The following SPMAP1 variants were observed in gnomAD, a reference collection of about 807,000 sequenced individuals.
The protein encoded by SPMAP1 is uncharacterized protein C17orf98.
chr17:38,837,083 C>T, the SPMAP1 span: 36 of 1,219,432 alleles, frequency 3.0e-5, no homozygotes, highest in Non-Finnish European at 4.4e-5. Context: ...TTCCCCTCAA[C>T]CAGGCCTTGC....
the SPMAP1 span, among the ~76,000 whole-genome samples, chr17:38,839,080 T>A: frequency 8.9e-6 from 1 of 111,888 alleles, no homozygotes; most frequent in Non-Finnish European, 1.7e-5. Flanking sequence ...AGTGAGACTC[T>A]GTCTCAAAAA....
the SPMAP1 span, among the ~76,000 whole-genome samples, chr17:38,836,648 TG>T: frequency 7.1e-6 from 1 of 141,224 alleles, no homozygotes; most frequent in Middle Eastern, 3.6e-3. Flanking sequence ...TGGAGTGCAG[TG>T]GCACGATCTT....
chr17:38,835,774 G>A, the SPMAP1 span, among the ~76,000 whole-genome samples: 3 of 152,110 alleles, frequency 2.0e-5, no homozygotes, highest in African/African-American at 7.2e-5. Flanking sequence ...CAGGATGGTG[G>A]AGCCAGGCTG....
At chr17:38,837,823 T>C in the SPMAP1 span, among the ~76,000 whole-genome samples, 1 of 152,200 alleles carries the variant, frequency 6.6e-6, no homozygotes, top group South Asian at 2.1e-4. Context: ...TAACAGGCTT[T>C]GTGACCTTGG....
chr17:38,839,085 C>CAAA, the SPMAP1 span, among the ~76,000 whole-genome samples: 70 of 63,800 alleles, frequency 1.1e-3, no homozygotes, highest in East Asian at 6.2e-3. Context: ...GACTCTGTCT[C>CAAA]AAAAAAAAAA....
At chr17:38,837,398 C>T in the SPMAP1 span, among the ~76,000 whole-genome samples, 4 of 152,120 alleles carry the variant, frequency 2.6e-5, no homozygotes, top group African/African-American at 7.2e-5. Flanking sequence ...AGAACCAGAC[C>T]GGGTGCAGTG....
chr17:38,835,519 G>A, the SPMAP1 span, among the ~76,000 whole-genome samples: 1,369 of 152,350 alleles, frequency 9.0e-3, 26 homozygotes, highest in African/African-American at 0.032. Flanking sequence ...AAGGGCTGGT[G>A]AGGTTGAGGG....
the SPMAP1 span, chr17:38,837,191 A>G: frequency 6.2e-7 from 1 of 1,614,092 alleles, no homozygotes. Context: ...TTGCCCGAAG[A>G]TGTGGATGTA....
At chr17:38,840,631 A>C in the SPMAP1 span, among the ~76,000 whole-genome samples, 1 of 141,470 alleles carries the variant, frequency 7.1e-6, no homozygotes, top group Non-Finnish European at 1.5e-5. Context: ...AAAAAAAAAA[A>C]AAAAAAAAAA....
chr17:38,837,118 C>T, the SPMAP1 span: 1 of 1,539,548 alleles, frequency 6.5e-7, no homozygotes, highest in African/African-American at 1.4e-5. Flanking sequence ...CATGATGAGG[C>T]TAGAAATGGA....
the SPMAP1 span, chr17:38,841,199 A>G: frequency 6.2e-7 from 1 of 1,613,956 alleles, no homozygotes; most frequent in Non-Finnish European, 8.5e-7. Context: ...AGTTTTCCGC[A>G]AAAGGGGCGG....
chr17:38,836,949 A>G, the SPMAP1 span, among the ~76,000 whole-genome samples: 10 of 135,438 alleles, frequency 7.4e-5, no homozygotes, highest in Non-Finnish European at 1.4e-4. Flanking sequence ...ACCACGTCTC[A>G]AAAAAAAAAA....
the SPMAP1 span, among the ~76,000 whole-genome samples, chr17:38,838,411 C>T: frequency 1.4e-4 from 22 of 151,838 alleles, no homozygotes; most frequent in Non-Finnish European, 3.2e-4. Context: ...ACTAGCCTGG[C>T]CAACATGGCT....
the SPMAP1 span, among the ~76,000 whole-genome samples, chr17:38,836,585 CTTTTTT>C: frequency 4.5e-4 from 26 of 58,406 alleles, no homozygotes; most frequent in South Asian, 2.0e-3. Context: ...TTCTTTCTTT[CTTTTTT>C]TTTTTTTTTT....
the SPMAP1 span, chr17:38,835,229 G>A: frequency 5.0e-4 from 811 of 1,614,210 alleles, no homozygotes; most frequent in Non-Finnish European, 6.5e-4. Context: ...GAAGACGGAC[G>A]TGCTCTGACG....
chr17:38,840,617 CAAAAAAAAAAAAAAAAAAAAAAA>C, the SPMAP1 span, among the ~76,000 whole-genome samples: 10 of 48,696 alleles, frequency 2.1e-4, no homozygotes, highest in African/African-American at 8.1e-4. Flanking sequence ...CCCCTCTCTA[CAAAAAAAAAAAAAAAAAAAAAAA>C]AAAAAAAAAA....
the SPMAP1 span, chr17:38,835,414 G>A: frequency 1.3e-6 from 2 of 1,545,076 alleles, 1 homozygote; most frequent in South Asian, 2.3e-5. Flanking sequence ...CATTCCCCTG[G>A]GTGTGGTATG....
the SPMAP1 span, chr17:38,835,299 G>T: frequency 6.2e-7 from 1 of 1,614,190 alleles, no homozygotes. Context: ...ATCGGTTTCA[G>T]ATCAGCATTG....
the SPMAP1 span, chr17:38,841,361 C>A: frequency 6.2e-7 from 1 of 1,614,142 alleles, no homozygotes; most frequent in Non-Finnish European, 8.5e-7. Flanking sequence ...TTTCTCCAGT[C>A]GCAGGCGACA....
Sources: gnomAD v4.1 joint callset for allele counts (sites outside exome capture counted in the v4.1 genomes callset) on GRCh38, gnomAD v4.1.1 for gene constraint, MANE v1.5 for transcripts, NCBI Gene and HGNC (gene_info 2026-07-23, HGNC 2026-07-21) for gene names.